CREB5: variants seen among roughly 807,000 people sequenced by gnomAD.
CREB5 encodes the protein cyclic AMP-responsive element-binding protein 5.
CREB5 carries 19 observed loss-of-function variants against 57.1 expected under a neutral mutation model. The ratio of observed to expected loss-of-function variants is 0.33; its 90% CI spans 0.23 to 0.49. The LOEUF is 0.49. Ranked by LOEUF, CREB5 falls within the 20% of genes least tolerant of loss-of-function variation. CREB5 has a pLI of 0.99. For synonymous variants in CREB5, 238 were observed against 238.3 expected, an observed-to-expected ratio of 1.00 and a Z score of 0.01; for missense variants, 579 against 671.6, an observed-to-expected ratio of 0.86 and a Z score of 1.52.
intron 5 of CREB5, among the ~76,000 whole-genome samples, chr7:28,666,271 A>C (rs77419156): frequency 0.073 from 11,128 of 152,148 alleles, 614 homozygotes; most frequent in African/African-American, 0.15. Flanking sequence ...ACCCCTTATA[A>C]ATGTATATGA....
intron 4 of CREB5, among the ~76,000 whole-genome samples, chr7:28,567,299 A>G (rs2128646532): frequency 6.6e-6 from 1 of 152,388 alleles, no homozygotes; most frequent in South Asian, 2.1e-4. Flanking sequence ...ATACCTTAAT[A>G]TCTAAAACTG....
chr7:28,371,460 G>T (rs893697364), intron 1 of CREB5, among the ~76,000 whole-genome samples: 1 of 139,512 alleles, frequency 7.2e-6, no homozygotes, highest in African/African-American at 2.7e-5. Flanking sequence ...CTGCACTCCA[G>T]TCTGGGAGAC....
intron 5 of CREB5, among the ~76,000 whole-genome samples, chr7:28,657,991 T>C (rs887902485): frequency 3.9e-5 from 6 of 152,216 alleles, no homozygotes; most frequent in Admixed American, 2.6e-4. Flanking sequence ...TCTCGTCTGC[T>C]CACTGAGCAG....
intron 5 of CREB5, among the ~76,000 whole-genome samples, chr7:28,623,951 G>C (rs1457214482): frequency 1.3e-5 from 2 of 152,070 alleles, no homozygotes; most frequent in Non-Finnish European, 2.9e-5. Flanking sequence ...CAAAACCCAG[G>C]GATATGATAA....
intron 1 of CREB5, among the ~76,000 whole-genome samples, chr7:28,392,919 A>G (rs1466831986): frequency 6.8e-6 from 1 of 147,760 alleles, no homozygotes; most frequent in Non-Finnish European, 1.5e-5. Flanking sequence ...TCAACCCACA[A>G]AGCAGCAATT....
intron 4 of CREB5, among the ~76,000 whole-genome samples, chr7:28,560,913 T>TGTGTGTGTGTGC (rs1211404751): frequency 4.6e-5 from 1 of 21,952 alleles, no homozygotes; most frequent in South Asian, 2.9e-3. Context: ...CGCGTGCGTG[T>TGTGTGTGTGTGC]GCGTGTGTGC....
In CREB5 at chr7:28,308,729, G is replaced by A. The variant is rs79574996; in HGVS notation, c.-25+9288G>A. The stretch of plus-strand genomic sequence containing the variant: ...TCTCATCCTTTCTTGCCCATTGCAG[G>A]AATCATATAATGACCTAGGTCTTCA... On this transcript the variant is annotated intron_variant, in intron 1 of 9. Coordinates refer to the CREB5 transcript ENST00000396299. Among the ~76,000 whole-genome samples, 1,518 of 152,220 alleles carry A rather than the reference G, an allele frequency of 1.0e-2. 28 individuals carry two copies. Among genetic ancestry groups the A allele is most frequent in the African/African-American group, 0.034 (1,431 of 41,526 alleles).
At chr7:28,551,525 G>A (rs1315711429) in intron 4 of CREB5, among the ~76,000 whole-genome samples, 1 of 152,052 alleles carries the variant, frequency 6.6e-6, no homozygotes, top group Admixed American at 6.5e-5. Flanking sequence ...CAGAATATTT[G>A]GTCTAAAGCA....
At chr7:28,300,214 T>C (rs973725236) in intron 1 of CREB5, among the ~76,000 whole-genome samples, 1 of 152,144 alleles carries the variant, frequency 6.6e-6, no homozygotes, top group South Asian at 2.1e-4. Context: ...ACCTTCCTCA[T>C]ATGGTGCTAG....
intron 1 of CREB5, among the ~76,000 whole-genome samples, chr7:28,367,392 A>G (rs1048612017): frequency 1.3e-5 from 2 of 152,104 alleles, no homozygotes; most frequent in African/African-American, 2.4e-5. Flanking sequence ...TTCCTCCACA[A>G]TCTCCCACAT....
intron 1 of CREB5, among the ~76,000 whole-genome samples, chr7:28,335,147 T>C (rs568943738): frequency 5.3e-5 from 8 of 152,324 alleles, no homozygotes; most frequent in African/African-American, 1.9e-4. Flanking sequence ...TCCAGTTTTG[T>C]TCTTTTTGCT....
intron 1 of CREB5, among the ~76,000 whole-genome samples, chr7:28,407,060 T>A (rs766348851): frequency 6.6e-6 from 1 of 151,972 alleles, no homozygotes; most frequent in Non-Finnish European, 1.5e-5. Context: ...TTCCTTTTAT[T>A]TTTTTTGAGA....
At chr7:28,787,542 C>G (rs1430981146) in intron 7 of CREB5, among the ~76,000 whole-genome samples, 1 of 152,176 alleles carries the variant, frequency 6.6e-6, no homozygotes, top group Non-Finnish European at 1.5e-5. Context: ...TTATTAGATC[C>G]TATGGTTATA....
chr7:28,766,245 A>T (rs1407211796), intron 7 of CREB5, among the ~76,000 whole-genome samples: 2 of 152,088 alleles, frequency 1.3e-5, no homozygotes, highest in Non-Finnish European at 2.9e-5. Context: ...GAAATAAAAA[A>T]CAGTCTGTCA....
chr7:28,678,349 C>G (rs900533014), intron 5 of CREB5, among the ~76,000 whole-genome samples: 1 of 151,924 alleles, frequency 6.6e-6, no homozygotes, highest in African/African-American at 2.4e-5. Flanking sequence ...GACGGCACCA[C>G]TACACTCCAG....
intron 5 of CREB5, among the ~76,000 whole-genome samples, chr7:28,672,271 G>A (rs1800091283): frequency 6.6e-6 from 1 of 151,478 alleles, no homozygotes; most frequent in Admixed American, 6.6e-5. Context: ...CTGTGTTCTT[G>A]ACCAAGTCAT....
chr7:28,802,534 T>C (rs1042241028), intron 7 of CREB5, among the ~76,000 whole-genome samples: 4 of 152,338 alleles, frequency 2.6e-5, no homozygotes, highest in African/African-American at 9.6e-5. Context: ...AGAACACAAA[T>C]CTGGAAAGAA....
At chr7:28,418,597 A>G (rs56175237) in intron 1 of CREB5, among the ~76,000 whole-genome samples, 1 of 152,224 alleles carries the variant, frequency 6.6e-6, no homozygotes, top group Non-Finnish European at 1.5e-5. Context: ...TTAAAGCATG[A>G]CTATAAACTA....
At chr7:28,560,879 CGTGCGTGCGT>C (rs1795133915) in intron 4 of CREB5, among the ~76,000 whole-genome samples, 863 of 21,596 alleles carry the variant, frequency 0.04, 48 homozygotes, top group South Asian at 0.13. Flanking sequence ...CGTGCGCGTG[CGTGCGTGCGT>C]GTGTGTGCGT....
Sources: allele counts gnomAD v4.1 joint callset (sites outside exome capture counted in the v4.1 genomes callset), GRCh38; gene constraint gnomAD v4.1.1; transcripts MANE v1.5; gene names NCBI Gene and HGNC (gene_info 2026-07-23, HGNC 2026-07-21).